The following NDST1 variants were observed in gnomAD, a reference collection of about 807,000 sequenced individuals.
NDST1 encodes the protein N-deacetylase and N-sulfotransferase 1, also known as bifunctional heparan sulfate N-deacetylase/N-sulfotransferase 1.
Under a neutral mutation model 92.8 loss-of-function variants are expected in NDST1, and 35 were observed. The ratio of observed to expected loss-of-function variants is 0.38; its 90% CI spans 0.29 to 0.50. NDST1 has a LOEUF of 0.50. Among genes scored for constraint, NDST1 ranks in the 20% least tolerant of loss-of-function variants. NDST1 has a pLI of 0.94. For missense variants in NDST1, 822 were observed against 1,182.7 expected (o/e 0.69, Z 4.47); for synonymous variants, 493 against 500.3 (o/e 0.99, Z 0.19).
chr5:150,506,405 A>G (rs1002343677), upstream of NDST1, among the ~76,000 whole-genome samples: 5 of 152,182 alleles, frequency 3.3e-5, no homozygotes, highest in Non-Finnish European at 7.3e-5. Context: ...GGCGTGAGCC[A>G]CTGCACCTGG....
At chr5:150,534,061 T>G (rs1182429685) in intron 4 of NDST1, among the ~76,000 whole-genome samples, 1 of 146,254 alleles carries the variant, frequency 6.8e-6, no homozygotes, top group Non-Finnish European at 1.5e-5. Flanking sequence ...CCTGCCTGGG[T>G]GACAGAGTAA....
chr5:150,511,235 C>G (rs1266453412), intron 1 of NDST1, among the ~76,000 whole-genome samples: 1 of 152,180 alleles, frequency 6.6e-6, no homozygotes, highest in Non-Finnish European at 1.5e-5. Flanking sequence ...TGCCGCGTAG[C>G]AGATTCACAG....
chr5:150,533,127 T>A, intron 4 of NDST1, 95 bp downstream of exon 4: 1 of 1,232,502 alleles, frequency 8.1e-7, no homozygotes, highest in Non-Finnish European at 1.2e-6. Context: ...GCGGGTGGGT[T>A]TACTGGCCCA....
In NDST1 at chr5:150,541,579, G is replaced by A. The variant is rs1291890754; in HGVS notation, c.1759G>A (p.Glu587Lys). The A allele has an allele frequency of 1.1e-5, 17 of 1,614,056 alleles. No individual in the cohort carries two copies. The highest frequency in any genetic ancestry group is 2.2e-5 in the East Asian group (1 of 44,898). The change falls in exon 9 of 15, where the codon GAG (glutamate) becomes AAG (lysine). Residue 587 changes from glutamate (E) to lysine (K), a missense_variant. Glu to Lys is a moderately conservative substitution (Grantham distance 56). Coordinates refer to ENST00000261797, the MANE Select transcript of NDST1 (RefSeq NM_001543.5). ...EKDPLWQDPC[E>K]DKRHKDIWSK... The stretch of plus-strand genomic sequence containing the variant: ...TCCACTGTTGTTTTAGGACCCCTGC[G>A]AGGACAAACGTCACAAAGACATCTG...
intron 1 of NDST1, among the ~76,000 whole-genome samples, chr5:150,498,634 G>T (rs781761687): frequency 2.6e-5 from 4 of 152,186 alleles, no homozygotes; most frequent in Non-Finnish European, 5.9e-5. Context: ...GTCTGGCCAG[G>T]CAGGGCACGA....
chr5:150,546,183 A>C (rs945327730), intron 11 of NDST1, among the ~76,000 whole-genome samples: 1 of 151,876 alleles, frequency 6.6e-6, no homozygotes, highest in Non-Finnish European at 1.5e-5. Context: ...TTTTTAGTAG[A>C]GACAGGGTTT....
In NDST1 at chr5:150,549,330, C is replaced by A. The variant is rs547950917; in HGVS notation, c.2317-348C>A. On this transcript the variant is annotated intron_variant, in intron 12 of 14. Coordinates refer to ENST00000261797, the MANE Select transcript of NDST1 (RefSeq NM_001543.5). ...CCCGGCCATGCCCAGCCATACCAGGCCTTTTAGGCAAACTTGCGGAGTGTT... is the reference window on the plus strand; with the variant it reads ...CCCGGCCATGCCCAGCCATACCAGGACTTTTAGGCAAACTTGCGGAGTGTT... Among the ~76,000 whole-genome samples, 7 of 152,282 alleles carry A rather than the reference C, an allele frequency of 4.6e-5. No individual in the cohort carries two copies. In the South Asian group the frequency reaches 1.5e-3, roughly 32 times the overall value.
chr5:150,501,628 C>A (rs1270342222), intron 1 of NDST1, among the ~76,000 whole-genome samples: 1 of 152,098 alleles, frequency 6.6e-6, no homozygotes, highest in African/African-American at 2.4e-5. Flanking sequence ...AGACAATAGT[C>A]CCTCATTCAG....
chr5:150,540,454 A>G (rs952719479), intron 8 of NDST1, among the ~76,000 whole-genome samples, 190 bp downstream of exon 8: 3 of 152,114 alleles, frequency 2.0e-5, no homozygotes, highest in African/African-American at 7.2e-5. Context: ...ATGCTCATAC[A>G]TGTACATACT....
chr5:150,521,771 C>A lies in NDST1; in HGVS notation c.513+4C>A, dbSNP rs369527393. On this transcript the variant is annotated splice_donor_region_variant and intron_variant, in intron 2 of 14. Coordinates refer to ENST00000261797, the MANE Select transcript of NDST1 (RefSeq NM_001543.5). The surrounding 1 kb of genome is among the most constrained non-coding windows in gnomAD (Gnocchi z 5.9). ...GGGCATCATTGGCTTCTTCAAGGTACACAAGAAGCAGGGTCCCCGAGCAGT... is the reference window on the plus strand; with the variant it reads ...GGGCATCATTGGCTTCTTCAAGGTAAACAAGAAGCAGGGTCCCCGAGCAGT... The A allele has an allele frequency of 1.6e-4, 259 of 1,612,722 alleles. No individual in the cohort carries two copies. The highest frequency in any genetic ancestry group is 1.6e-4 in the Non-Finnish European group (185 of 1,180,036).
intron 4 of NDST1, 43 bp from the exon 5 acceptor site, chr5:150,534,824 T>C (rs760644473): frequency 3.7e-6 from 6 of 1,613,414 alleles, no homozygotes; most frequent in Non-Finnish European, 5.1e-6. Flanking sequence ...TTAGAGGGCC[T>C]CATGGCCCAG....
chr5:150,538,187 G>A (rs1262327280), intron 6 of NDST1, among the ~76,000 whole-genome samples: 1 of 152,196 alleles, frequency 6.6e-6, no homozygotes, highest in Non-Finnish European at 1.5e-5. Flanking sequence ...ATAGGAGGCC[G>A]GGATGGCTGG....
At chr5:150,523,467 C>A (rs1754331345) in intron 2 of NDST1, among the ~76,000 whole-genome samples, 1 of 152,236 alleles carries the variant, frequency 6.6e-6, no homozygotes, top group Admixed American at 6.5e-5. Flanking sequence ...AGGTGGCTAG[C>A]AGCCTGATTT....
intron 1 of NDST1, among the ~76,000 whole-genome samples, chr5:150,499,870 G>T (rs1753156466): frequency 1.3e-5 from 2 of 152,196 alleles, no homozygotes; most frequent in Non-Finnish European, 2.9e-5. Context: ...GGGAGGGGAG[G>T]ACTGTGCTCA....
At chr5:150,501,471 G>A (rs996883436) in intron 1 of NDST1, among the ~76,000 whole-genome samples, 1 of 152,156 alleles carries the variant, frequency 6.6e-6, no homozygotes, top group Non-Finnish European at 1.5e-5. Flanking sequence ...CAGTCAATTG[G>A]ACTAGAACAG....
At chr5:150,524,363 C>T (rs1754375200) in intron 2 of NDST1, among the ~76,000 whole-genome samples, 1 of 152,232 alleles carries the variant, frequency 6.6e-6, no homozygotes, top group African/African-American at 2.4e-5. Flanking sequence ...TGGCCCTGAC[C>T]AATGTGTGCC....
chr5:150,551,872 C>T lies in NDST1; in HGVS notation c.2529+17C>T. ...GACTTGGATGTAAGTGGTGGACACA[C>T]TACCTGTAGCACCTGCATAAGGGTA... On this transcript the variant is annotated intron_variant, in intron 14 of 14. Transcript: ENST00000261797. The T allele has an allele frequency of 6.2e-7, 1 of 1,611,728 alleles. No homozygotes were observed. The highest frequency in any genetic ancestry group is 8.5e-7 in the Non-Finnish European group (1 of 1,178,266).
intron 2 of NDST1, among the ~76,000 whole-genome samples, chr5:150,527,160 C>T (rs115919718): frequency 2.2e-3 from 339 of 152,336 alleles, no homozygotes; most frequent in African/African-American, 7.7e-3. Flanking sequence ...TGCTAGGGCT[C>T]GACCTCTTGG....
At chr5:150,516,375 G>A (rs1056166970) in intron 1 of NDST1, among the ~76,000 whole-genome samples, 3 of 152,220 alleles carry the variant, frequency 2.0e-5, no homozygotes, top group South Asian at 2.1e-4. Flanking sequence ...ACAGGGGTGC[G>A]TGATAACAGC....
Sources: gnomAD v4.1 joint callset for allele counts (sites outside exome capture counted in the v4.1 genomes callset) on GRCh38, gnomAD v4.1.1 for gene constraint, Gnocchi (gnomAD v3.1) non-coding constraint, MANE v1.5 for transcripts, NCBI Gene and HGNC (gene_info 2026-07-23, HGNC 2026-07-21) for gene names.